SCAPER: variants seen among roughly 807,000 people sequenced by gnomAD.
The protein encoded by SCAPER is S-phase cyclin A associated protein in the ER.
Under a neutral mutation model 182.2 loss-of-function variants are expected in SCAPER, and 98 were observed. The observed-to-expected ratio is 0.54, with a 90% CI of 0.46 to 0.64. SCAPER has a LOEUF of 0.64. SCAPER is among the 30% of genes least tolerant of loss of function. SCAPER has a pLI of 0.00. For synonymous variants in SCAPER, 605 were observed against 564.6 expected (o/e 1.07, Z -1.01); for missense variants, 1,432 against 1,690.0 (o/e 0.85, Z 2.68).
intron 23 of SCAPER, among the ~76,000 whole-genome samples, chr15:76,547,994 C>T (rs1015771472): frequency 2.0e-5 from 3 of 151,956 alleles, no homozygotes; most frequent in Non-Finnish European, 4.4e-5. Context: ...GGGGACTTAA[C>T]AGCTTTATTG....
At chr15:76,585,744 C>T (rs1359677384) in intron 22 of SCAPER, among the ~76,000 whole-genome samples, 2 of 152,146 alleles carry the variant, frequency 1.3e-5, no homozygotes, top group Non-Finnish European at 2.9e-5. Flanking sequence ...CTGTCTCATT[C>T]CCTGCCTTCA....
At chr15:76,415,134 G>A (rs2045562689) in intron 26 of SCAPER, among the ~76,000 whole-genome samples, 1 of 152,142 alleles carries the variant, frequency 6.6e-6, no homozygotes, top group Non-Finnish European at 1.5e-5. Context: ...CACTAGCAAG[G>A]ATATGGGGAA....
At chr15:76,588,659 G>C (rs552471051) in intron 22 of SCAPER, among the ~76,000 whole-genome samples, 1 of 152,212 alleles carries the variant, frequency 6.6e-6, no homozygotes, top group East Asian at 1.9e-4. Context: ...TGTATAACTT[G>C]TTTGTCTTTA....
intron 25 of SCAPER, among the ~76,000 whole-genome samples, chr15:76,470,390 C>G (rs1171767230): frequency 2.6e-5 from 4 of 152,014 alleles, no homozygotes. Context: ...GGGAAGATCT[C>G]ATGAAGAAGG....
At chr15:76,477,912 C>T (rs1327463149) in intron 24 of SCAPER, among the ~76,000 whole-genome samples, 1 of 151,350 alleles carries the variant, frequency 6.6e-6, no homozygotes, top group Non-Finnish European at 1.5e-5. Context: ...TTAAAAATAA[C>T]TTTTCCAGTT....
At chr15:76,629,308 G>C (rs1048947215) in intron 21 of SCAPER, among the ~76,000 whole-genome samples, 1 of 152,246 alleles carries the variant, frequency 6.6e-6, no homozygotes, top group African/African-American at 2.4e-5. Flanking sequence ...GAATAGGAGT[G>C]GTGAGAGAAG....
At position 76,702,722 on chromosome 15, in the gene SCAPER, T is replaced by C. The variant is rs1010673660; in HGVS notation, c.2400+128A>G. ...CCTCAGTCTCCTAAAGTGCTGAAAT[T>C]ACAGGTGTGAGCTGCCACATCTCGC... is the stretch of plus-strand genomic sequence containing the variant. On this transcript the variant is annotated intron_variant, in intron 19 of 31. Coordinates refer to ENST00000563290, the MANE Select transcript of SCAPER (RefSeq NM_020843.4). The C allele has an allele frequency of 4.7e-6, 5 of 1,065,516 alleles. No homozygotes were observed. In the African/African-American group the frequency reaches 6.7e-5, roughly 14 times the overall value. The allele number at this position is 1,065,516 out of a possible 1,614,324, so 66.0% of individuals were successfully genotyped here. A position where few individuals can be genotyped will look rare whatever the true frequency, so the allele number is the denominator to read the frequency against.
intron 23 of SCAPER, among the ~76,000 whole-genome samples, chr15:76,569,969 T>C (rs1436606683): frequency 1.3e-5 from 2 of 152,162 alleles, no homozygotes; most frequent in African/African-American, 4.8e-5. Flanking sequence ...TTTTTATGCA[T>C]GTTGTCTTGT....
intron 30 of SCAPER, among the ~76,000 whole-genome samples, chr15:76,352,729 T>G (rs567498700): frequency 7.9e-5 from 12 of 151,980 alleles, no homozygotes; most frequent in Non-Finnish European, 1.2e-4. Context: ...GGATTACAGA[T>G]GTGAGCCACC....
At chr15:76,365,755 A>C (rs1436608065) in intron 29 of SCAPER, among the ~76,000 whole-genome samples, 1 of 152,154 alleles carries the variant, frequency 6.6e-6, no homozygotes. Flanking sequence ...ATAATATATC[A>C]GGAGGCCTGG....
intron 27 of SCAPER, among the ~76,000 whole-genome samples, chr15:76,399,116 T>TTCATTC (rs2044279488): frequency 6.6e-6 from 1 of 152,172 alleles, no homozygotes; most frequent in African/African-American, 2.4e-5. Flanking sequence ...AGAAAACTGT[T>TTCATTC]AACAGTAAAG....
chr15:76,825,907 G>A (rs2067970993), intron 5 of SCAPER, among the ~76,000 whole-genome samples: 1 of 152,110 alleles, frequency 6.6e-6, no homozygotes, highest in Non-Finnish European at 1.5e-5. Flanking sequence ...ACCACGCCCA[G>A]CTAATTTTTG....
chr15:76,420,763 C>G (rs773674675), intron 26 of SCAPER, among the ~76,000 whole-genome samples: 87 of 152,288 alleles, frequency 5.7e-4, no homozygotes, highest in Non-Finnish European at 9.6e-4. Context: ...AATGCTATCC[C>G]TCCACGCTCC....
intron 26 of SCAPER, among the ~76,000 whole-genome samples, chr15:76,430,738 T>A (rs964095575): frequency 6.6e-6 from 1 of 152,212 alleles, no homozygotes; most frequent in African/African-American, 2.4e-5. Flanking sequence ...TCAGATGAGA[T>A]GTTGTACTAT....
At chr15:76,804,429 T>C in intron 6 of SCAPER, 104 bp downstream of exon 6, 1 of 671,132 alleles carries the variant, frequency 1.5e-6, no homozygotes. Flanking sequence ...CTTTTAGATT[T>C]TTACAAGTTT....
intron 23 of SCAPER, among the ~76,000 whole-genome samples, chr15:76,505,624 C>G (rs192674784): frequency 4.6e-5 from 7 of 152,112 alleles, no homozygotes; most frequent in Admixed American, 2.6e-4. Flanking sequence ...GGAGAGGGAA[C>G]TCTCATACAC....
chr15:76,854,206 T>C (rs1423553488), intron 4 of SCAPER, among the ~76,000 whole-genome samples: 1 of 150,146 alleles, frequency 6.7e-6, no homozygotes, highest in African/African-American at 2.5e-5. Context: ...GAGGCGGAGG[T>C]TGTGGTGAGC....
chr15:76,793,177 A>T, intron 8 of SCAPER: 1 of 1,055,194 alleles, frequency 9.5e-7, no homozygotes, highest in Non-Finnish European at 1.4e-6. Context: ...ATAACACAAA[A>T]ATTACAAACT....
intron 21 of SCAPER, among the ~76,000 whole-genome samples, chr15:76,648,741 G>T (rs2054764693): frequency 6.6e-6 from 1 of 152,224 alleles, no homozygotes; most frequent in Admixed American, 6.5e-5. Flanking sequence ...AAATCCAGCT[G>T]CAGGAGTAGA....
Sources: allele counts gnomAD v4.1 joint callset (sites outside exome capture counted in the v4.1 genomes callset), GRCh38; gene constraint gnomAD v4.1.1; transcripts MANE v1.5; gene names NCBI Gene and HGNC (gene_info 2026-07-23, HGNC 2026-07-21).